Variants in DENND2B observed in about 807,000 individuals in gnomAD.
DENND2B encodes the protein DENN domain containing 2B, also known as DENN domain-containing protein 2B.
DENND2B carries 32 observed loss-of-function variants against 116.0 expected under a neutral mutation model. The ratio of observed to expected loss-of-function variants is 0.28; its 90% CI spans 0.21 to 0.37. The LOEUF is 0.37. Among genes scored for constraint, DENND2B ranks in the 10% least tolerant of loss-of-function variants. The pLI is 1.00. For synonymous variants in DENND2B, 588 were observed against 583.9 expected (o/e 1.01, Z -0.10); for missense variants, 1,276 against 1,477.7 (o/e 0.86, Z 2.24).
chr11:8,743,171 T>C (rs2050539776), intron 2 of DENND2B, among the ~76,000 whole-genome samples: 1 of 152,158 alleles, frequency 6.6e-6, no homozygotes, highest in Non-Finnish European at 1.5e-5. Context: ...ATACTTTAAA[T>C]TATATAATTT....
At chr11:8,829,100 G>A (rs536779372) in intron 4 of DENND2B, among the ~76,000 whole-genome samples, 2 of 150,188 alleles carry the variant, frequency 1.3e-5, no homozygotes, top group Admixed American at 1.3e-4. Context: ...GTGTGGTGTG[G>A]GTATGTGGTG....
At chr11:8,878,894 T>A (rs998142808) in intron 2 of DENND2B, among the ~76,000 whole-genome samples, 12 of 151,896 alleles carry the variant, frequency 7.9e-5, no homozygotes, top group African/African-American at 2.2e-4. Flanking sequence ...GAGAAAGAAA[T>A]GGGAGGTAAC....
chr11:8,823,050 A>G (rs1268092101), intron 4 of DENND2B, among the ~76,000 whole-genome samples: 3 of 152,142 alleles, frequency 2.0e-5, no homozygotes, highest in Non-Finnish European at 2.9e-5. Flanking sequence ...TAGATAATAC[A>G]TGTAAAACAC....
At chr11:8,812,728 G>A (rs966274702), upstream of DENND2B, among the ~76,000 whole-genome samples, 11 of 152,134 alleles carry the variant, frequency 7.2e-5, no homozygotes, top group Middle Eastern at 3.2e-3. Context: ...CTACTGACAG[G>A]GCTGGGACTG....
chr11:8,818,312 ACT>A (rs1214140261), intron 4 of DENND2B, among the ~76,000 whole-genome samples: 1 of 151,554 alleles, frequency 6.6e-6, no homozygotes, highest in East Asian at 2.0e-4. Context: ...CTAGCTCAGA[ACT>A]CTGAGTTCAA....
chr11:8,899,162 GAAGAA>G lies in DENND2B; in HGVS notation c.-256+11654_-256+11658del, dbSNP rs142231301. On this transcript the variant is annotated intron_variant, in intron 1 of 22. Transcript: ENST00000534127. ...TAGATCAATAGAGATTATACAATTTGAAGAAAAGAAAAGAAAAAGAATGAAGAAAA... is the reference window on the plus strand; with the variant it reads ...TAGATCAATAGAGATTATACAATTTGAAGAAAAGAAAAAGAATGAAGAAAA... Among the ~76,000 whole-genome samples, 806 of 151,882 alleles carry G rather than the reference GAAGAA, an allele frequency of 5.3e-3. 1 individual carries two copies. Among genetic ancestry groups the G allele is most frequent in the Non-Finnish European group, 8.5e-3 (580 of 67,938 alleles).
chr11:8,726,131 GTTCTCAGTACCA>G lies in DENND2B; in HGVS notation c.1407_1418del (p.Gly470_Asn473del). ...TGCTTTTGGATCCAAACTTGGGTTG[GTTCTCAGTACCA>G]TTCTCAGTGGGAGAAGAGGGGTACA... On this transcript the variant is annotated inframe_deletion, in exon 4 of 20. Transcript: ENST00000313726. The G allele has an allele frequency of 6.2e-7, 1 of 1,614,124 alleles. No individual in the cohort carries two copies. Among genetic ancestry groups the G allele is most frequent in the African/African-American group, 1.3e-5 (1 of 75,042 alleles).
At chr11:8,788,748 C>CT (rs201078671) in intron 1 of DENND2B, among the ~76,000 whole-genome samples, 2,331 of 152,330 alleles carry the variant, frequency 0.015, 30 homozygotes, top group Middle Eastern at 0.071. Flanking sequence ...AACCCTGAAC[C>CT]TGGCGTACCC....
At chr11:8,848,224 A>T (rs956872553) in intron 3 of DENND2B, among the ~76,000 whole-genome samples, 3 of 152,206 alleles carry the variant, frequency 2.0e-5, no homozygotes, top group Admixed American at 6.5e-5. Flanking sequence ...GTGAAAAAGA[A>T]ATATCTCTTA....
At chr11:8,729,145 T>C (rs2047638298) in intron 3 of DENND2B, among the ~76,000 whole-genome samples, 1 of 152,166 alleles carries the variant, frequency 6.6e-6, no homozygotes, top group African/African-American at 2.4e-5. Flanking sequence ...CAAACCTGAA[T>C]ACCCATCAGT....
chr11:8,835,662 G>A (rs1452360229), intron 4 of DENND2B: 1 of 152,218 alleles, frequency 6.6e-6, no homozygotes, highest in Non-Finnish European at 1.5e-5. Flanking sequence ...GCTGGTTCAT[G>A]ACTACTGAGA....
chr11:8,764,533 C>A (rs527492080), intron 1 of DENND2B, among the ~76,000 whole-genome samples: 96 of 152,310 alleles, frequency 6.3e-4, no homozygotes, highest in African/African-American at 2.2e-3. Flanking sequence ...AAGCAGCAGA[C>A]CCCAGAGTCT....
intron 1 of DENND2B, among the ~76,000 whole-genome samples, chr11:8,888,158 A>T (rs1235622383): frequency 6.6e-6 from 1 of 152,188 alleles, no homozygotes; most frequent in Non-Finnish European, 1.5e-5. Flanking sequence ...GCTTGGACCT[A>T]AATTGTGGTT....
chr11:8,735,994 G>A (rs1485193989), intron 2 of DENND2B, among the ~76,000 whole-genome samples: 1 of 152,196 alleles, frequency 6.6e-6, no homozygotes. Context: ...TGGACAAGAG[G>A]AGACCACGGC....
chr11:8,880,377 G>T (rs2063891070), intron 2 of DENND2B, among the ~76,000 whole-genome samples: 1 of 147,848 alleles, frequency 6.8e-6, no homozygotes, highest in Non-Finnish European at 1.5e-5. Flanking sequence ...GTGTGTGTGT[G>T]TGTGTGTAGT....
chr11:8,782,868 C>T (rs1456371083), intron 1 of DENND2B, among the ~76,000 whole-genome samples: 1 of 121,048 alleles, frequency 8.3e-6, no homozygotes, highest in Admixed American at 9.9e-5. Flanking sequence ...GCCTGGGCAA[C>T]AGTGTGAGAC....
intron 4 of DENND2B, among the ~76,000 whole-genome samples, chr11:8,719,305 T>C (rs577086255): frequency 1.2e-4 from 19 of 152,220 alleles, no homozygotes; most frequent in Non-Finnish European, 2.6e-4. Flanking sequence ...ACAACGAATT[T>C]AGGAAATGCT....
chr11:8,852,449 T>A (rs1024567049), intron 3 of DENND2B, among the ~76,000 whole-genome samples: 2 of 152,096 alleles, frequency 1.3e-5, no homozygotes, highest in African/African-American at 4.8e-5. Context: ...CTGGGAAACA[T>A]AGCAAGACTT....
intron 14 of DENND2B, among the ~76,000 whole-genome samples, chr11:8,701,243 A>C (rs538173144): frequency 2.4e-4 from 37 of 151,202 alleles, no homozygotes; most frequent in African/African-American, 8.5e-4. Context: ...TTGCCCCTAC[A>C]GGTGCCTAGC....
Sources: allele counts gnomAD v4.1 joint callset (sites outside exome capture counted in the v4.1 genomes callset), GRCh38; gene constraint gnomAD v4.1.1; transcripts MANE v1.5; gene names NCBI Gene and HGNC (gene_info 2026-07-23, HGNC 2026-07-21).